Variants in PCDH15 observed in about 807,000 individuals in gnomAD.
PCDH15 encodes the protein protocadherin related 15.
Under a neutral mutation model 178.5 loss-of-function variants are expected in PCDH15, and 129 were observed. The ratio of observed to expected loss-of-function variants is 0.72; its 90% CI spans 0.63 to 0.84. The LOEUF is 0.84. Ranked by LOEUF, PCDH15 falls within the 40% of genes least tolerant of loss-of-function variation. PCDH15 has a pLI of 0.00. For missense variants in PCDH15, 2,230 were observed against 2,099.9 expected (o/e 1.06, Z -1.21); for synonymous variants, 800 against 732.0 (o/e 1.09, Z -1.50).
At chr10:54,657,839 T>C (rs1369125174) in intron 2 of PCDH15, among the ~76,000 whole-genome samples, 2 of 152,152 alleles carry the variant, frequency 1.3e-5, no homozygotes, top group African/African-American at 4.8e-5. Flanking sequence ...ACTTGCACTC[T>C]AACCATAGAT....
chr10:55,253,093 T>C (rs771279894), intron 1 of PCDH15, among the ~76,000 whole-genome samples: 3 of 152,108 alleles, frequency 2.0e-5, no homozygotes, highest in Non-Finnish European at 2.9e-5. Flanking sequence ...CTCACTATTA[T>C]GAAGTTTCAA....
intron 2 of PCDH15, among the ~76,000 whole-genome samples, chr10:55,553,424 G>A (rs1842035854): frequency 6.6e-6 from 1 of 151,724 alleles, no homozygotes; most frequent in South Asian, 2.1e-4. Flanking sequence ...CTTTAAAATA[G>A]TATGCTAACC....
At chr10:54,758,612 G>T (rs1278730058) in intron 1 of PCDH15, among the ~76,000 whole-genome samples, 1 of 151,972 alleles carries the variant, frequency 6.6e-6, no homozygotes, top group Non-Finnish European at 1.5e-5. Flanking sequence ...TTCATTTGTG[G>T]CTACTTTTTT....
chr10:54,863,881 A>T (rs1207956421), intron 3 of PCDH15, among the ~76,000 whole-genome samples: 3 of 152,172 alleles, frequency 2.0e-5, no homozygotes, highest in Non-Finnish European at 4.4e-5. Context: ...TTCCTTAGCT[A>T]TAGTAAGTTT....
chr10:55,507,689 T>C (rs1357426869), intron 2 of PCDH15, among the ~76,000 whole-genome samples: 1 of 149,650 alleles, frequency 6.7e-6, no homozygotes, highest in East Asian at 2.1e-4. Context: ...AAGTGACCAA[T>C]TTGGGTCTTT....
At chr10:54,681,773 CAT>C (rs1359906305) in intron 1 of PCDH15, among the ~76,000 whole-genome samples, 5 of 152,114 alleles carry the variant, frequency 3.3e-5, no homozygotes, top group Admixed American at 2.6e-4. Context: ...GAACTTGGCA[CAT>C]GTGTGCACTT....
In PCDH15 at chr10:53,806,605, G is replaced by T. The variant is rs377221824; in HGVS notation, c.5197C>A (p.Leu1733Ile). The stretch of plus-strand genomic sequence containing the variant: ...CACAGTTTTGTCATTGGTATATGGA[G>T]GTTGTTCCAGGGGCCCATCCAAAGC... ...EELWMGPWNN[L>I]HIPMTKL The change falls in exon 38 of 38, where the codon CTC becomes ATC. Residue 1733 changes from leucine (L) to isoleucine (I), a missense_variant. By Grantham distance (5) the Leu-to-Ile change is conservative (BLOSUM62 2). Transcript: ENST00000644397. 13 of 1,613,436 alleles carry T rather than the reference G, an allele frequency of 8.1e-6. No homozygotes were observed. Among genetic ancestry groups the T allele is most frequent in the African/African-American group, 1.3e-5 (1 of 74,990 alleles).
In PCDH15 at chr10:54,610,550, T is replaced by C. The variant is rs538618748; in HGVS notation, c.91+53622A>G. On this transcript the variant is annotated intron_variant, in intron 2 of 37. Transcript: ENST00000644397. ...AAATCTATAGAGTTAAATGTGTACT[T>C]GTCCTTCCGTAATATCTGAGGCTAG... Among the ~76,000 whole-genome samples the C allele has an allele frequency of 2.6e-3, 400 of 152,038 alleles. 2 individuals carry two copies. The highest frequency in any genetic ancestry group is 9.0e-3 in the African/African-American group (373 of 41,554).
At chr10:55,100,240 C>A (rs1338012400) in intron 2 of PCDH15, among the ~76,000 whole-genome samples, 1 of 152,008 alleles carries the variant, frequency 6.6e-6, no homozygotes, top group African/African-American at 2.4e-5. Flanking sequence ...TTTAGAGTCC[C>A]TAAACTACAT....
At chr10:54,265,749 A>G (rs2057631786) in intron 8 of PCDH15, among the ~76,000 whole-genome samples, 1 of 152,100 alleles carries the variant, frequency 6.6e-6, no homozygotes, top group African/African-American at 2.4e-5. Context: ...TGCACCCAAC[A>G]TTAATTGGAG....
chr10:55,181,745 T>C (rs1483698912), intron 1 of PCDH15, among the ~76,000 whole-genome samples: 1 of 151,968 alleles, frequency 6.6e-6, no homozygotes, highest in Admixed American at 6.6e-5. Context: ...TAATGAGATG[T>C]AGATTAAAAC....
chr10:54,774,407 A>G (rs573783557), intron 1 of PCDH15, among the ~76,000 whole-genome samples: 16 of 152,220 alleles, frequency 1.1e-4, no homozygotes, highest in African/African-American at 3.6e-4. Flanking sequence ...ACACTGACAG[A>G]TTCAAGTATA....
intron 2 of PCDH15, among the ~76,000 whole-genome samples, chr10:54,639,716 T>A (rs1034055458): frequency 6.6e-6 from 1 of 152,052 alleles, no homozygotes; most frequent in African/African-American, 2.4e-5. Flanking sequence ...TACTGTAAAA[T>A]CCGCAAAATG....
At chr10:55,481,511 CCCAGAGATTTTGGTATATTGTG>C (rs779576861) in intron 2 of PCDH15, among the ~76,000 whole-genome samples, 10 of 151,606 alleles carry the variant, frequency 6.6e-5, no homozygotes, top group African/African-American at 9.7e-5. Flanking sequence ...TTAACTGTGT[CCCAGAGATTTTGGTATATTGTG>C]CCTTTCTTCT....
chr10:54,972,441 T>C (rs181400537), intron 2 of PCDH15, among the ~76,000 whole-genome samples: 1 of 151,894 alleles, frequency 6.6e-6, no homozygotes, highest in Non-Finnish European at 1.5e-5. Flanking sequence ...TCAGGAGACT[T>C]AGGCAGGAGA....
rs34308353 is a variant in PCDH15, at chr10:54,997,111, CA to C, written c.-79-99612del. Among the ~76,000 whole-genome samples, 299 of 142,362 alleles carry C rather than the reference CA, an allele frequency of 2.1e-3. 2 individuals are homozygous for C. The highest frequency in any genetic ancestry group is 6.8e-3 in the African/African-American group (260 of 38,324). The allele number at this position is 142,362 out of a possible 152,430, so 93.4% of individuals were successfully genotyped here. A position where few individuals can be genotyped will look rare whatever the true frequency, so the allele number is the denominator to read the frequency against. On this transcript the variant is annotated intron_variant, in intron 2 of 5. Coordinates refer to the PCDH15 transcript ENST00000458638. ...GCAACAAAGAGCAAAACTCTAGTCT[CA>C]AAAAAAAAAAAAATCAAACTACCTT... is the stretch of plus-strand genomic sequence containing the variant.
chr10:54,522,263 T>G (rs1316449906), intron 3 of PCDH15, among the ~76,000 whole-genome samples: 2 of 152,170 alleles, frequency 1.3e-5, no homozygotes, highest in Middle Eastern at 3.2e-3. Context: ...AACTGATTTG[T>G]TGGCAAATCA....
At chr10:54,177,446 TG>T (rs2047544598) in intron 13 of PCDH15, among the ~76,000 whole-genome samples, 1 of 152,060 alleles carries the variant, frequency 6.6e-6, no homozygotes. Flanking sequence ...AATGTGCGAA[TG>T]TAAGTTCATT....
chr10:54,442,459 T>TATATATATATAC (rs1469736625), intron 3 of PCDH15, among the ~76,000 whole-genome samples: 8 of 93,464 alleles, frequency 8.6e-5, no homozygotes, highest in African/African-American at 3.9e-4. Context: ...TATATATATA[T>TATATATATATAC]ACAGTCTTTT....
Sources: allele counts gnomAD v4.1 joint callset (sites outside exome capture counted in the v4.1 genomes callset), GRCh38; gene constraint gnomAD v4.1.1; transcripts MANE v1.5; gene names NCBI Gene and HGNC (gene_info 2026-07-23, HGNC 2026-07-21).